The following SCAMP2 variants were observed in gnomAD, a reference collection of about 807,000 sequenced individuals.
SCAMP2 encodes secretory carrier-associated membrane protein 2.
SCAMP2 carries 25 observed loss-of-function variants against 44.1 expected under a neutral mutation model. That is an observed-to-expected ratio of 0.57 (90% CI 0.41 to 0.79). The LOEUF (loss-of-function observed/expected upper bound fraction) is 0.79. SCAMP2 is among the 30% of genes least tolerant of loss of function. The pLI is 0.00. For synonymous variants in SCAMP2, 156 were observed against 166.0 expected (o/e 0.94, Z 0.46); for missense variants, 355 against 411.0 (o/e 0.86, Z 1.18).
intron 1 of SCAMP2, among the ~76,000 whole-genome samples, chr15:74,861,082 G>A (rs1221195324): frequency 6.6e-6 from 1 of 151,646 alleles, no homozygotes; most frequent in East Asian, 2.0e-4. Flanking sequence ...GGCTGCAGCA[G>A]GAGAATCACT....
At chr15:74,860,809 C>T (rs1261209660) in intron 1 of SCAMP2, among the ~76,000 whole-genome samples, 5 of 151,238 alleles carry the variant, frequency 3.3e-5, no homozygotes, top group Admixed American at 2.0e-4. Flanking sequence ...AAGATCACTG[C>T]GCAGCACTGC....
intron 1 of SCAMP2, among the ~76,000 whole-genome samples, chr15:74,860,828 C>A (rs1426441445): frequency 1.3e-5 from 2 of 151,652 alleles, no homozygotes; most frequent in African/African-American, 2.4e-5. Context: ...GCACTGCAGC[C>A]TGGGCAGCAG....
At chr15:74,846,699 A>G (rs1273281093) in intron 7 of SCAMP2, among the ~76,000 whole-genome samples, 1 of 152,166 alleles carries the variant, frequency 6.6e-6, no homozygotes, top group South Asian at 2.1e-4. Flanking sequence ...TGGGAGGCGG[A>G]GCTTGCAGTG....
Position 74,854,593 on chromosome 15 carries a change from G to C in SCAMP2, c.114C>G (p.Asn38Lys), listed in dbSNP as rs2064455990. The change falls in exon 2 of 9, where the codon AAC becomes AAG. Residue 38 changes from asparagine to lysine, a missense_variant. By Grantham distance (94) the Asn-to-Lys change is moderately conservative (BLOSUM62 0). Transcript: ENST00000268099. ...NAPQGGLAEF[N>K]PFSETNAATT... ...CCTGCTCACCAACCTCTGAGAAGGGGTTGAATTCCGCCAGGCCGCCCTGCG... is the reference window on the plus strand; with the variant it reads ...CCTGCTCACCAACCTCTGAGAAGGGCTTGAATTCCGCCAGGCCGCCCTGCG... The C allele has an allele frequency of 3.1e-6, 5 of 1,603,970 alleles. No individual in the cohort carries two copies. In the East Asian group the frequency reaches 1.1e-4, roughly 36 times the overall value.
chr15:74,845,649 A>G, intron 7 of SCAMP2, 56 bp from the exon 8 acceptor site: 2 of 1,604,680 alleles, frequency 1.2e-6, no homozygotes, highest in Non-Finnish European at 1.7e-6. Context: ...TCCAAAAGTC[A>G]GCATAAGGGG....
rs1242047623 is a variant in SCAMP2 at position 74,854,162 on chromosome 15, T to C, written c.127-43A>G. On this transcript the variant is annotated intron_variant, in intron 2 of 8. Transcript: ENST00000268099. ...AAAGACAGAATTGAGTGGGACTCCA[T>C]TAGCTGGTGACGAGGGGGCAAACCC... 3 of 1,568,144 alleles carry C rather than the reference T, an allele frequency of 1.9e-6. No individual in the cohort carries two copies. The South Asian group carries it at 3.3e-5, about 17-fold the overall frequency.
intron 1 of SCAMP2, among the ~76,000 whole-genome samples, chr15:74,860,840 G>A (rs944683730): frequency 2.0e-5 from 3 of 151,794 alleles, no homozygotes; most frequent in Non-Finnish European, 4.4e-5. Context: ...GGGCAGCAGA[G>A]CAAGACTCTG....
intron 1 of SCAMP2, among the ~76,000 whole-genome samples, chr15:74,866,584 C>T (rs774190561): frequency 7.7e-4 from 117 of 152,006 alleles, no homozygotes; most frequent in Non-Finnish European, 1.3e-3. Context: ...TGCTAGTGCA[C>T]GCCTGTAATC....
intron 6 of SCAMP2, among the ~76,000 whole-genome samples, chr15:74,849,645 G>A (rs1766648588): frequency 6.6e-6 from 1 of 152,070 alleles, no homozygotes; most frequent in Admixed American, 6.5e-5. Flanking sequence ...TCCGGAGGCT[G>A]AGGCAGGAGA....
chr15:74,849,183 C>A lies in SCAMP2; in HGVS notation c.633-482G>T, dbSNP rs182119364. On this transcript the variant is annotated intron_variant, in intron 6 of 8. Transcript: ENST00000268099. ...TAAATCTCTATATAATAAGTAAAAT[C>A]TCTAATAATAAGTAAAACTAAGTAA... 1.2e-3 allele frequency among the ~76,000 whole-genome samples: 182 copies of A among 152,268 alleles called. 1 individual carries two copies. The highest frequency in any genetic ancestry group is 3.4e-3 in the Middle Eastern group (1 of 294).
intron 1 of SCAMP2, among the ~76,000 whole-genome samples, chr15:74,869,393 A>T (rs1193189985): frequency 1.3e-5 from 2 of 152,234 alleles, no homozygotes; most frequent in African/African-American, 4.8e-5. Context: ...ACACTGGAGA[A>T]AAAATGTAGC....
intron 1 of SCAMP2, among the ~76,000 whole-genome samples, chr15:74,863,076 G>A (rs1209538116): frequency 6.6e-6 from 1 of 151,502 alleles, no homozygotes; most frequent in Non-Finnish European, 1.5e-5. Context: ...CGGGTGCAGT[G>A]GCTCATACCT....
In SCAMP2 at chr15:74,873,279, A is replaced by C. The variant is rs2064590110; in HGVS notation, c.-24T>G. On this transcript the variant is annotated 5_prime_UTR_variant, in exon 1 of 9. Coordinates refer to ENST00000268099, the MANE Select transcript of SCAMP2 (RefSeq NM_005697.5). ...ATGGTGATCGGGGGCCAGCGGGCGA[A>C]CTCCGCGAACGCTGCTGCCTCCGGG... The C allele has an allele frequency of 6.8e-7, 1 of 1,477,172 alleles. No homozygotes were observed. The highest frequency in any genetic ancestry group is 2.8e-5 in the Admixed American group (1 of 35,390). The allele number at this position is 1,477,172 out of a possible 1,614,324, so 91.5% of individuals were successfully genotyped here.
chr15:74,851,071 A>G (rs1299097883), intron 5 of SCAMP2, among the ~76,000 whole-genome samples: 1 of 152,010 alleles, frequency 6.6e-6, no homozygotes, highest in East Asian at 1.9e-4. Flanking sequence ...GAAGGCCTTC[A>G]CCTAAGGAGG....
chr15:74,845,333 C>T, intron 8 of SCAMP2, 116 bp from the exon 9 acceptor site: 1 of 1,578,794 alleles, frequency 6.3e-7, no homozygotes, highest in Non-Finnish European at 8.6e-7. Context: ...TGACCCCCCA[C>T]CCAGATCCCT....
chr15:74,873,130 G>C, intron 1 of SCAMP2, 69 bp downstream of exon 1: 1 of 1,304,966 alleles, frequency 7.7e-7, no homozygotes, highest in Non-Finnish European at 1.0e-6. Flanking sequence ...CGGCTCTAGC[G>C]AGAGGCCCGG....
intron 4 of SCAMP2, 25 bp from the exon 5 acceptor site, chr15:74,851,506 A>C: frequency 6.2e-7 from 1 of 1,612,514 alleles, no homozygotes; most frequent in Non-Finnish European, 8.5e-7. Context: ...AAGAGTGACG[A>C]GGTAAGGGCC....
At chr15:74,853,578 G>C (rs2064449483) in intron 3 of SCAMP2, 12 of 411,680 alleles carry the variant, frequency 2.9e-5, no homozygotes, top group South Asian at 2.0e-4. Flanking sequence ...CGGCGCAGTG[G>C]AGCACCAGGC....
intron 1 of SCAMP2, among the ~76,000 whole-genome samples, chr15:74,862,082 C>T (rs1446977142): frequency 2.1e-5 from 3 of 140,190 alleles, no homozygotes; most frequent in Admixed American, 7.3e-5. Context: ...GGTGAGAACC[C>T]GTCTCTACCA....
Sources: allele counts gnomAD v4.1 joint callset (sites outside exome capture counted in the v4.1 genomes callset), GRCh38; gene constraint gnomAD v4.1.1; transcripts MANE v1.5; gene names NCBI Gene and HGNC (gene_info 2026-07-23, HGNC 2026-07-21).